SUMF1: variants seen among roughly 807,000 people sequenced by gnomAD.
The protein encoded by SUMF1 is formylglycine-generating enzyme.
Under a neutral mutation model 47.6 loss-of-function variants are expected in SUMF1, and 48 were observed. The observed-to-expected ratio is 1.01, with a 90% CI of 0.80 to 1.28. The LOEUF (loss-of-function observed/expected upper bound fraction) is 1.28, where lower values mean the gene tolerates loss of function less well. Ranked by LOEUF, SUMF1 falls within the 50% of genes most tolerant of loss-of-function variation. SUMF1 has a pLI of 0.00. For missense variants in SUMF1, 571 were observed against 485.4 expected, an observed-to-expected ratio of 1.18 and a Z score of -1.66; for synonymous variants, 230 against 192.1, an observed-to-expected ratio of 1.20 and a Z score of -1.63.
chr3:4,071,150 T>C (rs1173940013), intron 8 of SUMF1, among the ~76,000 whole-genome samples: 1 of 152,132 alleles, frequency 6.6e-6, no homozygotes, highest in East Asian at 1.9e-4. Context: ...AACTACATAC[T>C]TGCATTTAAA....
chr3:4,167,242 C>T (rs1158429327), intron 8 of SUMF1, among the ~76,000 whole-genome samples: 2 of 152,032 alleles, frequency 1.3e-5, no homozygotes, highest in African/African-American at 4.8e-5. Context: ...AAAGCTTCCA[C>T]AGCATGGAAG....
chr3:4,326,521 G>GATTTTTTT (rs1553556914), intron 8 of SUMF1, among the ~76,000 whole-genome samples: 23 of 90,542 alleles, frequency 2.5e-4, no homozygotes, highest in Admixed American at 8.4e-4. Flanking sequence ...TTTTTCCAAG[G>GATTTTTTT]GTTTTTTTTT....
At chr3:4,067,781 GT>G (rs1415570831) in intron 9 of SUMF1, among the ~76,000 whole-genome samples, 1 of 152,164 alleles carries the variant, frequency 6.6e-6, no homozygotes, top group East Asian at 1.9e-4. Flanking sequence ...AGAGTGGGGA[GT>G]TTTGGGTCCA....
chr3:4,298,119 C>G (rs1697890760), intron 8 of SUMF1, among the ~76,000 whole-genome samples: 1 of 152,108 alleles, frequency 6.6e-6, no homozygotes, highest in Non-Finnish European at 1.5e-5. Flanking sequence ...ATAATCAATG[C>G]AATATTCAGT....
chr3:4,084,014 T>C (rs1293413870), intron 8 of SUMF1, among the ~76,000 whole-genome samples: 1 of 152,154 alleles, frequency 6.6e-6, no homozygotes, highest in African/African-American at 2.4e-5. Flanking sequence ...AACAATGATG[T>C]TTATTTCAAG....
At chr3:4,113,802 T>G (rs897065193) in intron 8 of SUMF1, among the ~76,000 whole-genome samples, 1 of 152,106 alleles carries the variant, frequency 6.6e-6, no homozygotes, top group African/African-American at 2.4e-5. Flanking sequence ...ATGACCTTAA[T>G]GTGGGGTAGG....
intron 8 of SUMF1, among the ~76,000 whole-genome samples, chr3:4,206,783 C>G (rs1277351896): frequency 6.6e-6 from 1 of 151,942 alleles, no homozygotes; most frequent in Non-Finnish European, 1.5e-5. Flanking sequence ...TTCTATTCAG[C>G]CATCTTGCTC....
At chr3:4,210,533 T>C (rs1295987925) in intron 8 of SUMF1, among the ~76,000 whole-genome samples, 1 of 152,128 alleles carries the variant, frequency 6.6e-6, no homozygotes, top group Non-Finnish European at 1.5e-5. Context: ...CCTTTCCCAG[T>C]CCCCATAAAT....
intron 8 of SUMF1, among the ~76,000 whole-genome samples, chr3:4,110,014 T>C (rs1169588913): frequency 2.6e-5 from 4 of 152,070 alleles, no homozygotes; most frequent in South Asian, 2.1e-4. Flanking sequence ...ATTTTTAGAG[T>C]TTCCAGTTTT....
intron 8 of SUMF1, among the ~76,000 whole-genome samples, chr3:4,310,952 A>G (rs751249594): frequency 2.9e-4 from 44 of 152,220 alleles, no homozygotes; most frequent in Non-Finnish European, 4.4e-4. Flanking sequence ...ACCTTTAAAA[A>G]GCTGAAAGTA....
Position 4,418,006 on chromosome 3 carries a change from A to C in SUMF1, c.725+4T>G, listed in dbSNP as rs768071388. On this transcript the variant is annotated splice_donor_region_variant and intron_variant, in intron 5 of 8. Transcript: ENST00000272902. ...TGTCAGGCAAAATGAGATCCTCTAA[A>C]TACCTATTATGCAGGCCTCCTCGAC... is the stretch of plus-strand genomic sequence containing the variant. 6.2e-7 allele frequency: 1 copy of C among 1,613,900 alleles called. No individual in the cohort carries two copies. The highest frequency in any genetic ancestry group is 1.1e-5 in the South Asian group (1 of 91,064).
intron 8 of SUMF1, among the ~76,000 whole-genome samples, chr3:4,129,116 C>T (rs1341262831): frequency 6.6e-6 from 1 of 152,096 alleles, no homozygotes; most frequent in Non-Finnish European, 1.5e-5. Flanking sequence ...AAAACAGATT[C>T]GTGAGGGCAG....
rs577207588 is a variant in SUMF1, at chr3:4,367,139, C to T, written c.1015-4885G>A. Among the ~76,000 whole-genome samples, 254 of 152,214 alleles carry T rather than the reference C, an allele frequency of 1.7e-3. 1 individual carries two copies. The highest frequency in any genetic ancestry group is 5.8e-3 in the African/African-American group (242 of 41,530). Reference sequence around the variant, plus strand: ...TCAGTCTGCCCCTACTGGGGGGGTGCCTCACAGTTAGGCTGCTCGGGGGTC... The same window carrying T: ...TCAGTCTGCCCCTACTGGGGGGGTGTCTCACAGTTAGGCTGCTCGGGGGTC... On this transcript the variant is annotated intron_variant, in intron 8 of 8. Transcript: ENST00000272902.
intron 8 of SUMF1, among the ~76,000 whole-genome samples, chr3:4,117,909 A>G (rs891732754): frequency 1.3e-5 from 2 of 151,926 alleles, no homozygotes; most frequent in Admixed American, 6.6e-5. Context: ...TAATCATCCT[A>G]TTATGCCAAA....
intron 8 of SUMF1, among the ~76,000 whole-genome samples, chr3:4,261,478 T>A (rs865999329): frequency 2.6e-5 from 4 of 152,214 alleles, no homozygotes; most frequent in African/African-American, 9.6e-5. Flanking sequence ...TAGTTTGGAA[T>A]TTGCAGAAAT....
At chr3:4,297,339 A>G (rs1169161116) in intron 8 of SUMF1, among the ~76,000 whole-genome samples, 1 of 152,110 alleles carries the variant, frequency 6.6e-6, no homozygotes, top group Non-Finnish European at 1.5e-5. Context: ...TTCATGCAAC[A>G]ATCTTTTTTC....
At chr3:4,132,723 C>T (rs532511420) in intron 8 of SUMF1, among the ~76,000 whole-genome samples, 100 of 152,162 alleles carry the variant, frequency 6.6e-4, no homozygotes, top group African/African-American at 2.0e-3. Context: ...TGGGCTCCTC[C>T]GACCTTTAAG....
intron 8 of SUMF1, among the ~76,000 whole-genome samples, chr3:4,305,188 C>A (rs914403372): frequency 6.6e-6 from 1 of 152,084 alleles, no homozygotes; most frequent in Non-Finnish European, 1.5e-5. Context: ...CAGGTTCAAG[C>A]GATTCTTCCA....
chr3:4,095,922 AT>A (rs1017610782), intron 8 of SUMF1, among the ~76,000 whole-genome samples: 2 of 151,902 alleles, frequency 1.3e-5, no homozygotes, highest in South Asian at 4.2e-4. Context: ...ATACAGACAC[AT>A]TTTTTTTCTA....
Sources: allele counts gnomAD v4.1 joint callset (sites outside exome capture counted in the v4.1 genomes callset), GRCh38; gene constraint gnomAD v4.1.1; transcripts MANE v1.5; gene names NCBI Gene and HGNC (gene_info 2026-07-23, HGNC 2026-07-21).